The following CD1E variants were observed in gnomAD, a reference collection of about 807,000 sequenced individuals.
CD1E encodes T-cell surface glycoprotein CD1e, membrane-associated.
Under a neutral mutation model 40.1 loss-of-function variants are expected in CD1E, and 49 were observed. The observed-to-expected ratio is 1.22, with a 90% CI of 0.97 to 1.55. The LOEUF (loss-of-function observed/expected upper bound fraction) is 1.55. Among genes scored for constraint, CD1E ranks in the 40% most tolerant of loss-of-function variants. The pLI is 0.00. For missense variants in CD1E, 492 were observed against 471.3 expected, an observed-to-expected ratio of 1.04 and a Z score of -0.41; for synonymous variants, 189 against 178.3, an observed-to-expected ratio of 1.06 and a Z score of -0.48.
intron 2 of CD1E, 98 bp downstream of exon 2, chr1:158,354,771 C>A: frequency 2.8e-6 from 3 of 1,088,178 alleles, no homozygotes; most frequent in Non-Finnish European, 4.0e-6. Flanking sequence ...TTTAACCTTA[C>A]TAACCTTGTT....
rs762409254 is a variant in CD1E, at chr1:158,356,821, C to T, written c.1092C>T (p.Phe364=). ...ACACCAAGAATTCAAGACATCAGTT[C>T]TGCTTGGCACAAGTATCGTGGATCA... ...TQDTKNSRHQ[F]CLAQVSWIKN... The change falls in exon 6 of 6, where the codon TTC becomes TTT. Residue 364 remains phenylalanine (F), a synonymous_variant. Transcript: ENST00000368167. The T allele has an allele frequency of 9.3e-6, 15 of 1,613,924 alleles. No individual in the cohort carries two copies. Among genetic ancestry groups the T allele is most frequent in the African/African-American group, 1.3e-5 (1 of 74,874 alleles).
At position 158,357,231 on chromosome 1, in the gene CD1E, TGC is replaced by T; in HGVS notation, c.*336_*337del. The T allele has an allele frequency of 5.5e-6, 1 of 182,740 alleles. No homozygotes were observed. The highest frequency in any genetic ancestry group is 1.4e-4 in the East Asian group (1 of 7,158). The allele number at this position is 182,740 out of a possible 1,614,324, so 11.3% of individuals were successfully genotyped here. On this transcript the variant is annotated 3_prime_UTR_variant, in exon 6 of 6. Transcript: ENST00000368167. ...TCTGAACAGTAGTTATTTAGGTTTTTGCTCTTTTTTTTTTTTTAATCTCAGTT... is the reference window on the plus strand; with the variant it reads ...TCTGAACAGTAGTTATTTAGGTTTTTTCTTTTTTTTTTTTTAATCTCAGTT...
At position 158,356,047 on chromosome 1, in the gene CD1E, C is replaced by T; in HGVS notation, c.846C>T (p.Gly282=). 1 of 1,613,966 alleles carries T rather than the reference C, an allele frequency of 6.2e-7. No homozygotes were observed. The highest frequency in any genetic ancestry group is 8.5e-7 in the Non-Finnish European group (1 of 1,179,940). Residue 282 remains glycine (G), a synonymous_variant, in exon 4 of 6, where the codon GGC becomes GGT. Transcript: ENST00000368167. The stretch of plus-strand genomic sequence containing the variant: ...ATGTGGCGGCTGGGGAGGCAGCTGG[C>T]CTGTCCTGTCGGGTGAAACACAGCA... ...TLDVAAGEAA[G]LSCRVKHSSL...
Position 158,357,006 on chromosome 1 carries a change from C to T in CD1E, c.*110C>T, listed in dbSNP as rs1653791991. On this transcript the variant is annotated 3_prime_UTR_variant, in exon 6 of 6. Transcript: ENST00000368167. ...TAAACAGTTTATACTAGCAAAGATA[C>T]TGACCCCTTTAGGAATACTTTTTCC... The T allele has an allele frequency of 1.2e-6, 1 of 864,030 alleles. No homozygotes were observed. The highest frequency in any genetic ancestry group is 1.8e-6 in the Non-Finnish European group (1 of 552,620). The allele number at this position is 864,030 out of a possible 1,614,324, so 53.5% of individuals were successfully genotyped here.
At position 158,356,019 on chromosome 1, in the gene CD1E, T is replaced by C. The variant is rs1653619437; in HGVS notation, c.818T>C (p.Leu273Pro). The part of the protein sequence containing the change: ...ADETWYLRAT[L>P]DVAAGEAAGL... ...GAGACATGGTATCTCCGAGCAACCC[T>C]GGATGTGGCGGCTGGGGAGGCAGCT... Residue 273 changes from leucine to proline, a missense_variant, in exon 4 of 6, where the codon CTG becomes CCG. Coordinates refer to ENST00000368167, the MANE Select transcript of CD1E (RefSeq NM_030893.4). 1.2e-6 allele frequency: 2 copies of C among 1,614,004 alleles called. No homozygotes were observed. The highest frequency in any genetic ancestry group is 1.7e-5 in the Admixed American group (1 of 60,000).
rs1267217406 is a variant in CD1E at position 158,356,741 on chromosome 1, A to C, written c.1012A>C (p.Ile338Leu). ...CTTTTCCCACAGTTCAAATAAGAAC[A>C]TTCTTTCTCCCCACACACCCAGCCC... Reference protein sequence around the residue: ...RLKKQSSNKNILSPHTPSPVF... With the variant: ...RLKKQSSNKNLLSPHTPSPVF... The change falls in exon 6 of 6, where the codon ATT (isoleucine) becomes CTT (leucine). Residue 338 changes from isoleucine (I) to leucine (L), a missense_variant. Physicochemically the swap from Ile to Leu is conservative, Grantham distance 5 (BLOSUM62 2). Coordinates refer to ENST00000368167, the MANE Select transcript of CD1E (RefSeq NM_030893.4). 6.2e-7 allele frequency: 1 copy of C among 1,613,166 alleles called. No individual in the cohort carries two copies. Among genetic ancestry groups the C allele is most frequent in the Admixed American group, 1.7e-5 (1 of 59,886 alleles).
In CD1E at chr1:158,355,951, G is replaced by C. The variant is rs527643225; in HGVS notation, c.750G>C (p.Glu250Asp). Residue 250 changes from glutamate (E) to aspartate (D), a missense_variant, in exon 4 of 6, where the codon GAG (glutamate) becomes GAC (aspartate). Glu to Asp is a conservative substitution (Grantham distance 45). Transcript: ENST00000368167. ...TGATGTGGATGCGGGGTGAGCAGGAGCAGCGGGGCACTCAGCGAGGGGACG... is the reference window on the plus strand; with the variant it reads ...TGATGTGGATGCGGGGTGAGCAGGACCAGCGGGGCACTCAGCGAGGGGACG... Reference protein sequence around the residue: ...VWVMWMRGEQEQRGTQRGDVL... With the variant: ...VWVMWMRGEQDQRGTQRGDVL... 2 of 1,614,176 alleles carry C rather than the reference G, an allele frequency of 1.2e-6. No individual in the cohort carries two copies. The highest frequency in any genetic ancestry group is 2.7e-5 in the African/African-American group (2 of 75,038).
At chr1:158,354,696 A>T in intron 2 of CD1E, 23 bp downstream of exon 2, 1 of 1,593,818 alleles carries the variant, frequency 6.3e-7, no homozygotes, top group Non-Finnish European at 8.6e-7. Context: ...CTCTAAGCTG[A>T]TAATTTGCCT....
chr1:158,355,539 G>T lies in CD1E; in HGVS notation c.595G>T (p.Glu199Ter). The T allele has an allele frequency of 6.2e-7, 1 of 1,614,118 alleles. No homozygotes were observed. Among genetic ancestry groups the T allele is most frequent in the Non-Finnish European group, 8.5e-7 (1 of 1,179,998 alleles). Residue 199 changes from glutamate (E) to a stop codon, truncating the protein, a stop_gained, in exon 3 of 6, where the codon GAA becomes TAA. Coordinates refer to ENST00000368167, the MANE Select transcript of CD1E (RefSeq NM_030893.4). LOFTEE classifies it high-confidence loss of function. ...TCPRFLAGLM[E>*]AGESELKRKV... ...CCCTCGATTTCTAGCGGGGCTCATGGAAGCAGGGGAGTCAGAACTGAAACG... is the reference window on the plus strand; with the variant it reads ...CCCTCGATTTCTAGCGGGGCTCATGTAAGCAGGGGAGTCAGAACTGAAACG...
In CD1E at chr1:158,356,902, G is replaced by T. The variant is rs775731239; in HGVS notation, c.*6G>T. ...GCCTAAACCAACTCTGGTGACATTT[G>T]CTTTACCTTATACATAAAATCCTTG... On this transcript the variant is annotated 3_prime_UTR_variant, in exon 6 of 6. Transcript: ENST00000368167. The T allele has an allele frequency of 1.4e-5, 22 of 1,612,462 alleles. No homozygotes were observed. The highest frequency in any genetic ancestry group is 1.8e-5 in the Non-Finnish European group (21 of 1,178,846).
intron 3 of CD1E, 111 bp from the exon 4 acceptor site, chr1:158,355,716 G>T: frequency 1.4e-6 from 2 of 1,411,526 alleles, no homozygotes; most frequent in South Asian, 1.4e-5. Flanking sequence ...ACAAGAGAAA[G>T]AAGTGATTAC....
intron 5 of CD1E, 55 bp from the exon 6 acceptor site, chr1:158,356,673 G>A: frequency 6.7e-7 from 1 of 1,502,774 alleles, no homozygotes. Context: ...TTTTTTCTCT[G>A]CCTTTCCCCT....
chr1:158,356,409 A>G, intron 4 of CD1E, 89 bp from the exon 5 acceptor site: 1 of 1,073,528 alleles, frequency 9.3e-7, no homozygotes, highest in Non-Finnish European at 1.4e-6. Context: ...TGAAAATTCT[A>G]GGAAGGTCCC....
rs758196393 is a variant in CD1E, at chr1:158,355,579, ACTCT to A, written c.625+18_625+21del. 150 of 1,609,434 alleles carry A rather than the reference ACTCT, an allele frequency of 9.3e-5. No homozygotes were observed. In the African/African-American group the frequency reaches 1.9e-3, roughly 20 times the overall value. ...GAACTGAAACGGAAAGGTGAGCCCA[ACTCT>A]CTCTCTCCCCTCTTGTTCCTAGTAC... On this transcript the variant is annotated intron_variant, in intron 3 of 5. Transcript: ENST00000368167.
At position 158,357,098 on chromosome 1, in the gene CD1E, A is replaced by G. The variant is rs557933251; in HGVS notation, c.*202A>G. On this transcript the variant is annotated 3_prime_UTR_variant, in exon 6 of 6. Transcript: ENST00000368167. ...TCCATCATTGTTTATTTTTGAAACT[A>G]TAATCCAGATACTTCTTTTTCATGG... 1.2e-4 allele frequency: 63 copies of G among 533,066 alleles called. No homozygotes were observed. Among genetic ancestry groups the G allele is most frequent in the African/African-American group, 1.1e-3 (56 of 52,840 alleles). The allele number at this position is 533,066 out of a possible 1,614,324, so 33.0% of individuals were successfully genotyped here. A position where few individuals can be genotyped will look rare whatever the true frequency, so the allele number is the denominator to read the frequency against.
rs780933386 is a variant in CD1E at position 158,355,545 on chromosome 1, G to C, written c.601G>C (p.Gly201Arg). Residue 201 changes from glycine to arginine, a missense_variant, in exon 3 of 6, where the codon GGG becomes CGG. Gly to Arg is a moderately radical substitution (Grantham distance 125, BLOSUM62 -2). Coordinates refer to ENST00000368167, the MANE Select transcript of CD1E (RefSeq NM_030893.4). ...PRFLAGLMEA[G>R]ESELKRKVKP... Reference sequence around the variant, plus strand: ...ATTTCTAGCGGGGCTCATGGAAGCAGGGGAGTCAGAACTGAAACGGAAAGG... The same window carrying C: ...ATTTCTAGCGGGGCTCATGGAAGCACGGGAGTCAGAACTGAAACGGAAAGG... 6.2e-7 allele frequency: 1 copy of C among 1,614,042 alleles called. No individual in the cohort carries two copies. Among genetic ancestry groups the C allele is most frequent in the Non-Finnish European group, 8.5e-7 (1 of 1,179,956 alleles).
At position 158,355,439 on chromosome 1, in the gene CD1E, C is replaced by G. The variant is rs1450157225; in HGVS notation, c.495C>G (p.Ala165=). Residue 165 remains alanine (A), a synonymous_variant, in exon 3 of 6, where the codon GCC becomes GCG. Transcript: ENST00000368167. ...WEPSPGAGIR[A]QNICKVLNRY... is the part of the protein sequence containing the mutation. Reference sequence around the variant, plus strand: ...CATCTCCAGGAGCAGGGATCCGGGCCCAGAACATCTGTAAAGTGCTCAATC... The same window carrying G: ...CATCTCCAGGAGCAGGGATCCGGGCGCAGAACATCTGTAAAGTGCTCAATC... 6.2e-7 allele frequency: 1 copy of G among 1,614,044 alleles called. No individual in the cohort carries two copies. The highest frequency in any genetic ancestry group is 8.5e-7 in the Non-Finnish European group (1 of 1,180,020).
In CD1E at chr1:158,354,316, T is replaced by C. The variant is rs562472246; in HGVS notation, c.59-61T>C. Reference sequence around the variant, plus strand: ...CTCATCTCTGGGTTCCTTTTTTCCCTTTGGCATCACTTTTCCCATCCCTTT... The same window carrying C: ...CTCATCTCTGGGTTCCTTTTTTCCCCTTGGCATCACTTTTCCCATCCCTTT... On this transcript the variant is annotated intron_variant, in intron 1 of 5. Coordinates refer to ENST00000368167, the MANE Select transcript of CD1E (RefSeq NM_030893.4). The C allele has an allele frequency of 6.6e-4, 992 of 1,493,096 alleles. 13 individuals carry two copies. In the South Asian group the frequency reaches 9.2e-3, roughly 14 times the overall value. The allele number at this position is 1,493,096 out of a possible 1,614,324, so 92.5% of individuals were successfully genotyped here.
chr1:158,354,751 C>A, intron 2 of CD1E, 78 bp downstream of exon 2: 1 of 1,268,708 alleles, frequency 7.9e-7, no homozygotes, highest in Non-Finnish European at 1.1e-6. Context: ...TATATAGACT[C>A]TGACCATCAT....
Sources: allele counts gnomAD v4.1 joint callset, GRCh38; gene constraint gnomAD v4.1.1; transcripts MANE v1.5; gene names NCBI Gene and HGNC (gene_info 2026-07-23, HGNC 2026-07-21).